TANC2: variants seen among roughly 807,000 people sequenced by gnomAD.
TANC2 encodes the protein tetratricopeptide repeat, ankyrin repeat and coiled-coil containing 2.
Under a neutral mutation model 210.5 loss-of-function variants are expected in TANC2, and 26 were observed. The ratio of observed to expected loss-of-function variants is 0.12; its 90% confidence interval spans 0.09 to 0.17. TANC2 has a LOEUF of 0.17. Ranked by LOEUF, TANC2 falls within the 10% of genes least tolerant of loss-of-function variation. The probability of loss-of-function intolerance (pLI) is 1.00; values close to 1 mark genes in which losing one functional copy is unlikely to be tolerated. For synonymous variants in TANC2, 931 were observed against 967.1 expected (o/e 0.96, Z 0.69); for missense variants, 2,129 against 2,608.9 (o/e 0.82, Z 4.01).
At chr17:63,145,370 A>T (rs1277286493) in intron 4 of TANC2, among the ~76,000 whole-genome samples, 1 of 152,148 alleles carries the variant, frequency 6.6e-6, no homozygotes, top group East Asian at 1.9e-4. Flanking sequence ...TTTTCTAGTA[A>T]ATGTTTAGGA....
At chr17:63,270,811 C>T (rs1367899583) in intron 9 of TANC2, among the ~76,000 whole-genome samples, 1 of 152,068 alleles carries the variant, frequency 6.6e-6, no homozygotes, top group Non-Finnish European at 1.5e-5. Context: ...AATCTTTTCC[C>T]TCCTCCTACC....
intron 13 of TANC2, among the ~76,000 whole-genome samples, chr17:63,352,453 A>G (rs1221565000): frequency 6.6e-6 from 1 of 152,186 alleles, no homozygotes; most frequent in African/African-American, 2.4e-5. Flanking sequence ...GGATAAATCA[A>G]TATAAATCCA....
At chr17:63,060,003 A>T (rs999721225) in intron 2 of TANC2, among the ~76,000 whole-genome samples, 12 of 152,168 alleles carry the variant, frequency 7.9e-5, no homozygotes, top group Admixed American at 2.0e-4. Context: ...GTGATTTATA[A>T]GATTGTATTG....
intron 9 of TANC2, among the ~76,000 whole-genome samples, chr17:63,287,198 G>A (rs2044250470): frequency 1.3e-5 from 2 of 152,132 alleles, no homozygotes; most frequent in Non-Finnish European, 1.5e-5. Context: ...ATCCCAAAGT[G>A]TTGGAATTAC....
chr17:63,317,085 T>C (rs996259058), intron 10 of TANC2, among the ~76,000 whole-genome samples: 3 of 152,122 alleles, frequency 2.0e-5, no homozygotes, highest in Non-Finnish European at 2.9e-5. Flanking sequence ...TACTAATTAA[T>C]AGTTGTAGTG....
At chr17:63,151,090 AGT>A (rs2039636297) in intron 4 of TANC2, 178 bp from the exon 5 acceptor site, 2 of 150,904 alleles carry the variant, frequency 1.3e-5, no homozygotes, top group South Asian at 2.1e-4. Context: ...AGTCTGACAG[AGT>A]GTGTCGTTCA....
chr17:63,020,966 G>A (rs555076303), intron 2 of TANC2, among the ~76,000 whole-genome samples: 1 of 151,998 alleles, frequency 6.6e-6, no homozygotes, highest in African/African-American at 2.4e-5. Flanking sequence ...TTACATGAAC[G>A]AATTAAGTAG....
chr17:63,016,523 TG>T (rs2034117828), intron 2 of TANC2, among the ~76,000 whole-genome samples: 1 of 152,260 alleles, frequency 6.6e-6, no homozygotes, highest in African/African-American at 2.4e-5. Context: ...TGAATAATGC[TG>T]TAGTGAACAT....
chr17:63,354,214 T>C (rs1271970453), intron 13 of TANC2, among the ~76,000 whole-genome samples: 1 of 152,182 alleles, frequency 6.6e-6, no homozygotes, highest in East Asian at 1.9e-4. Flanking sequence ...ACAGATTCTA[T>C]TGGAATCTGT....
chr17:63,098,244 TA>T (rs1277337681), intron 3 of TANC2, among the ~76,000 whole-genome samples: 1 of 152,074 alleles, frequency 6.6e-6, no homozygotes, highest in Non-Finnish European at 1.5e-5. Context: ...TTGTTTTTAG[TA>T]GGCACTGTCA....
In TANC2 at chr17:63,420,343, A is replaced by T. The variant is rs1158019912; in HGVS notation, c.4613A>T (p.Tyr1538Phe). The T allele has an allele frequency of 5.6e-6, 9 of 1,613,736 alleles. No individual in the cohort carries two copies. The African/African-American group carries it at 9.3e-5, about 17-fold the overall frequency. The change falls in exon 28 of 28, where the codon TAC (tyrosine) becomes TTC (phenylalanine). Residue 1538 changes from tyrosine to phenylalanine, a missense_variant. Around this residue, in one of 5 missense-constraint regions of TANC2, gnomAD observed 584 missense variants for 627.3 expected, o/e 0.93. Coordinates refer to ENST00000689528, the Ensembl canonical transcript of TANC2. The surrounding 1 kb of genome is among the most constrained non-coding windows in gnomAD (Gnocchi z 4.2). ...TCTCCCCCGCATCGGGACTCAGCCT[A>T]CATCTCCAGCTCACCTCTTGGCTCT...
intron 5 of TANC2, among the ~76,000 whole-genome samples, chr17:63,170,563 A>G (rs754076719): frequency 1.1e-4 from 16 of 152,036 alleles, no homozygotes; most frequent in Non-Finnish European, 5.9e-5. Context: ...TAGCATTTGT[A>G]TTTTTAAATT....
intron 1 of TANC2, among the ~76,000 whole-genome samples, chr17:63,000,948 TAAA>T (rs1334786638): frequency 7.5e-6 from 1 of 133,140 alleles, no homozygotes; most frequent in Admixed American, 7.8e-5. Context: ...TTGAAGTAAT[TAAA>T]AAAGTTTTAG....
chr17:63,183,425 TATAA>T (rs1567794374), intron 5 of TANC2, among the ~76,000 whole-genome samples: 1 of 152,260 alleles, frequency 6.6e-6, no homozygotes. Flanking sequence ...TCTAGTTTAA[TATAA>T]ATAAAGGATG....
At chr17:63,169,052 G>A (rs1310030466) in intron 5 of TANC2, among the ~76,000 whole-genome samples, 4 of 152,180 alleles carry the variant, frequency 2.6e-5, no homozygotes. Context: ...AGAAAGGAGA[G>A]TTTCCTCAAC....
At chr17:63,041,458 G>C (rs1053202484) in intron 2 of TANC2, among the ~76,000 whole-genome samples, 2 of 152,124 alleles carry the variant, frequency 1.3e-5, no homozygotes, top group African/African-American at 4.8e-5. Flanking sequence ...ACAGCAGCCT[G>C]GGTGGTTAGT....
chr17:63,374,032 GTTTT>G lies in TANC2; in HGVS notation c.2583-5667_2583-5664del, dbSNP rs35801082. 3.4e-4 allele frequency among the ~76,000 whole-genome samples: 32 copies of G among 93,534 alleles called. No homozygotes were observed. The East Asian group carries it at 8.2e-3, about 24-fold the overall frequency. The allele number at this position is 93,534 out of a possible 152,430, so 61.4% of individuals were successfully genotyped here. On this transcript the variant is annotated intron_variant, in intron 14 of 27. Coordinates refer to ENST00000689528, the Ensembl canonical transcript of TANC2. The stretch of plus-strand genomic sequence containing the variant: ...TATTTTGATTTTTCAGTTGTTGTTG[GTTTT>G]TTTTTTTTTTTTTTTTTTGAGTCAG...
intron 2 of TANC2, among the ~76,000 whole-genome samples, chr17:63,014,466 A>G (rs2034016307): frequency 6.6e-6 from 1 of 152,138 alleles, no homozygotes. Flanking sequence ...TGGACATTTT[A>G]GATTATATAA....
intron 20 of TANC2, 33 bp from the exon 21 acceptor site, chr17:63,406,121 G>A: frequency 6.2e-7 from 1 of 1,612,330 alleles, no homozygotes. Context: ...CTCTTCTTTG[G>A]GCTAATTGGT....
Sources: gnomAD v4.1 joint callset for allele counts (sites outside exome capture counted in the v4.1 genomes callset) on GRCh38, gnomAD v4.1.1 for gene constraint, gnomAD v4.1.1 regional missense constraint, Gnocchi (gnomAD v3.1) non-coding constraint, MANE v1.5 for transcripts, NCBI Gene and HGNC (gene_info 2026-07-23, HGNC 2026-07-21) for gene names.